The following DYNC1I1 variants were observed in gnomAD, a reference collection of about 807,000 sequenced individuals.
DYNC1I1 encodes cytoplasmic dynein 1 intermediate chain 1.
A neutral mutation model predicts 86.6 loss-of-function variants in DYNC1I1; 43 were observed. The ratio of observed to expected loss-of-function variants is 0.50; its 90% confidence interval spans 0.39 to 0.64. DYNC1I1 has a LOEUF of 0.64. DYNC1I1 is among the 30% of genes least tolerant of loss of function. DYNC1I1 has a pLI of 0.00. For synonymous variants in DYNC1I1, 262 were observed against 283.7 expected, an observed-to-expected ratio of 0.92 and a Z score of 0.77; for missense variants, 604 against 788.8, an observed-to-expected ratio of 0.77 and a Z score of 2.81.
chr7:96,104,077 A>G (rs1220794402), intron 16 of DYNC1I1, among the ~76,000 whole-genome samples: 1 of 152,190 alleles, frequency 6.6e-6, no homozygotes, highest in African/African-American at 2.4e-5. Context: ...TATTGGCCAC[A>G]TTTAATATAT....
At chr7:95,871,726 G>A (rs907845988) in intron 6 of DYNC1I1, among the ~76,000 whole-genome samples, 3 of 152,142 alleles carry the variant, frequency 2.0e-5, no homozygotes, top group Non-Finnish European at 4.4e-5. Context: ...ACATCAAAAG[G>A]AAAAGGCTGT....
intron 5 of DYNC1I1, among the ~76,000 whole-genome samples, chr7:95,838,728 C>G (rs990296660): frequency 1.3e-5 from 2 of 151,676 alleles, no homozygotes; most frequent in East Asian, 3.9e-4. Context: ...CTTCATAGTT[C>G]TTTTATGTAG....
chr7:95,980,536 CTTTTTTTT>C lies in DYNC1I1; in HGVS notation c.580+2954_580+2961del, dbSNP rs56835338. On this transcript the variant is annotated intron_variant, in intron 7 of 16. Transcript: ENST00000447467. ...GGGAACACATTTTTGAGAAATCTGG[CTTTTTTTT>C]TTTTTTTTTTTTTTTTTTGGAGTGA... 5.5e-3 allele frequency among the ~76,000 whole-genome samples: 300 copies of C among 54,430 alleles called. 8 individuals are homozygous for C. Among genetic ancestry groups the C allele is most frequent in the Admixed American group, 0.046 (223 of 4,830 alleles). The allele number at this position is 54,430 out of a possible 152,430, so 35.7% of individuals were successfully genotyped here. A position where few individuals can be genotyped will look rare whatever the true frequency, so the allele number is the denominator to read the frequency against.
Position 95,909,682 on chromosome 7 carries a change from G to GA in DYNC1I1, c.490+39689dup, listed in dbSNP as rs1205119766. On this transcript the variant is annotated intron_variant, in intron 6 of 16. Transcript: ENST00000447467. ...TGGTATCTGGTGCTCTTTTTTTAAG[G>GA]AAAAATTGTATTATTTTAATTATTT... Among the ~76,000 whole-genome samples the GA allele has an allele frequency of 2.0e-5, 3 of 152,142 alleles. No individual in the cohort carries two copies. The East Asian group carries it at 5.8e-4, about 29-fold the overall frequency.
intron 14 of DYNC1I1, among the ~76,000 whole-genome samples, chr7:96,047,834 T>C (rs543192195): frequency 6.6e-6 from 1 of 151,962 alleles, no homozygotes; most frequent in Admixed American, 6.5e-5. Flanking sequence ...ATATAACTCA[T>C]CCATGTAACA....
intron 10 of DYNC1I1, among the ~76,000 whole-genome samples, chr7:96,012,769 C>T (rs529378532): frequency 9.9e-5 from 15 of 152,188 alleles, no homozygotes; most frequent in African/African-American, 3.6e-4. Flanking sequence ...TTGTTGACCA[C>T]GCTGATAGAA....
intron 4 of DYNC1I1, among the ~76,000 whole-genome samples, chr7:95,819,361 T>C (rs1294209787): frequency 6.6e-6 from 1 of 152,136 alleles, no homozygotes; most frequent in African/African-American, 2.4e-5. Context: ...CTACTTTTTT[T>C]TTAGTGACTT....
At chr7:95,778,038 T>C (rs1793891237) in intron 1 of DYNC1I1, among the ~76,000 whole-genome samples, 1 of 152,236 alleles carries the variant, frequency 6.6e-6, no homozygotes, top group African/African-American at 2.4e-5. Flanking sequence ...CCAATTAAAA[T>C]CTAAATACCA....
intron 6 of DYNC1I1, among the ~76,000 whole-genome samples, chr7:95,960,472 C>T (rs1483784200): frequency 6.6e-6 from 1 of 152,174 alleles, no homozygotes; most frequent in African/African-American, 2.4e-5. Context: ...CTGACATCAA[C>T]AGACAGGGAT....
intron 9 of DYNC1I1, among the ~76,000 whole-genome samples, chr7:95,988,727 T>C (rs1407985413): frequency 6.6e-6 from 1 of 152,264 alleles, no homozygotes; most frequent in Non-Finnish European, 1.5e-5. Context: ...TGCTTTCTTG[T>C]TGTCAATGCT....
chr7:95,987,199 C>T (rs758742362), intron 9 of DYNC1I1, 44 bp downstream of exon 9: 16 of 1,513,546 alleles, frequency 1.1e-5, no homozygotes, highest in East Asian at 9.0e-5. Context: ...CTTGTGTTCT[C>T]GTGGCATTTG....
chr7:95,835,274 G>T (rs1789046460), intron 5 of DYNC1I1, among the ~76,000 whole-genome samples: 1 of 111,666 alleles, frequency 9.0e-6, no homozygotes, highest in Admixed American at 1.0e-4. Context: ...CCATGTAGTT[G>T]AGCGGTTTTG....
chr7:96,101,101 A>C, downstream of DYNC1I1, among the ~76,000 whole-genome samples: 1 of 152,148 alleles, frequency 6.6e-6, no homozygotes, highest in Non-Finnish European at 1.5e-5. Context: ...AGGTGGTGGC[A>C]GTTAACCACC....
chr7:95,860,529 A>C (rs1789849406), intron 5 of DYNC1I1, among the ~76,000 whole-genome samples: 1 of 152,256 alleles, frequency 6.6e-6, no homozygotes, highest in African/African-American at 2.4e-5. Flanking sequence ...TGGCCTAAGA[A>C]TATGAAGATA....
At chr7:95,897,239 A>T (rs1790905454) in intron 6 of DYNC1I1, among the ~76,000 whole-genome samples, 1 of 152,208 alleles carries the variant, frequency 6.6e-6, no homozygotes, top group Non-Finnish European at 1.5e-5. Context: ...AACCAGAGAA[A>T]GTCCTGAGCC....
chr7:96,092,861 A>G (rs938728090), intron 16 of DYNC1I1, among the ~76,000 whole-genome samples: 6 of 152,262 alleles, frequency 3.9e-5, no homozygotes, highest in South Asian at 2.1e-4. Flanking sequence ...AATCTTTACA[A>G]TCTTTGAGCA....
chr7:96,017,329 G>C lies in DYNC1I1; in HGVS notation c.970-10846G>C, dbSNP rs75207684. Among the ~76,000 whole-genome samples the C allele has an allele frequency of 1.8e-4, 27 of 152,200 alleles. No individual in the cohort carries two copies. The East Asian group carries it at 5.0e-3, about 28-fold the overall frequency. ...TTTTTATCTCTATAAATAAAACAAA[G>C]TTTGCCTTCGCCTTGTACCACATCG... On this transcript the variant is annotated intron_variant, in intron 10 of 16. Coordinates refer to ENST00000447467, the MANE Select transcript of DYNC1I1 (RefSeq NM_001135556.2).
intron 5 of DYNC1I1, among the ~76,000 whole-genome samples, chr7:95,861,749 G>A (rs1463694358): frequency 6.6e-6 from 1 of 152,134 alleles, no homozygotes; most frequent in African/African-American, 2.4e-5. Context: ...GTGGACTTTA[G>A]TGACGCTCTT....
intron 5 of DYNC1I1, among the ~76,000 whole-genome samples, chr7:95,838,248 C>T (rs1025021967): frequency 4.6e-5 from 7 of 152,080 alleles, no homozygotes; most frequent in African/African-American, 1.7e-4. Flanking sequence ...CAATTTCATT[C>T]TTTCAAATAT....
Sources: allele counts gnomAD v4.1 joint callset (sites outside exome capture counted in the v4.1 genomes callset), GRCh38; gene constraint gnomAD v4.1.1; transcripts MANE v1.5; gene names NCBI Gene and HGNC (gene_info 2026-07-23, HGNC 2026-07-21).